The following GRM1 variants were observed in gnomAD, a reference collection of about 807,000 sequenced individuals.
GRM1 encodes metabotropic glutamate receptor 1.
GRM1 carries 33 observed loss-of-function variants against 90.9 expected under a neutral mutation model. That is an observed-to-expected ratio of 0.36 (90% CI 0.28 to 0.49). The LOEUF is 0.49. GRM1 is among the 20% of genes least tolerant of loss of function. GRM1 has a pLI of 0.99. For missense variants in GRM1, 1,190 were observed against 1,534.3 expected, an observed-to-expected ratio of 0.78 and a Z score of 3.75; for synonymous variants, 700 against 613.2, an observed-to-expected ratio of 1.14 and a Z score of -2.09.
At chr6:146,285,585 A>T (rs1055244369) in intron 2 of GRM1, among the ~76,000 whole-genome samples, 1 of 152,196 alleles carries the variant, frequency 6.6e-6, no homozygotes, top group Non-Finnish European at 1.5e-5. Flanking sequence ...GCTCAGGAAG[A>T]ACTATAATCT....
chr6:146,340,058 T>C (rs1784914783), intron 3 of GRM1, among the ~76,000 whole-genome samples: 1 of 152,226 alleles, frequency 6.6e-6, no homozygotes, highest in Admixed American at 6.5e-5. Context: ...TCAGCAGTCG[T>C]TGAGGCATAA....
intron 3 of GRM1, among the ~76,000 whole-genome samples, chr6:146,349,363 G>T (rs183367853): frequency 1.4e-4 from 21 of 151,702 alleles, no homozygotes; most frequent in Admixed American, 1.4e-3. Context: ...TTACAGGCGT[G>T]AGCCACCACG....
intron 3 of GRM1, among the ~76,000 whole-genome samples, chr6:146,310,068 T>C (rs932037756): frequency 1.3e-5 from 2 of 152,188 alleles, no homozygotes; most frequent in Non-Finnish European, 2.9e-5. Context: ...CATTTGGCTA[T>C]TTTAGAAGAC....
intron 1 of GRM1, among the ~76,000 whole-genome samples, chr6:146,040,375 A>G (rs1326516673): frequency 1.3e-5 from 2 of 151,946 alleles, no homozygotes; most frequent in Non-Finnish European, 2.9e-5. Context: ...ATGCCTTCGG[A>G]TGATGTTCTT....
At chr6:146,082,708 T>A (rs1776405121) in intron 1 of GRM1, among the ~76,000 whole-genome samples, 1 of 152,192 alleles carries the variant, frequency 6.6e-6, no homozygotes, top group Non-Finnish European at 1.5e-5. Flanking sequence ...CAGCTAGAAC[T>A]GGCACTCATA....
intron 2 of GRM1, among the ~76,000 whole-genome samples, chr6:146,264,983 G>A (rs1422181522): frequency 6.6e-6 from 1 of 152,104 alleles, no homozygotes; most frequent in Non-Finnish European, 1.5e-5. Flanking sequence ...TGTGAACAGT[G>A]CTCTGATAAA....
chr6:146,347,996 G>T (rs1253649606), intron 3 of GRM1, among the ~76,000 whole-genome samples: 2 of 152,152 alleles, frequency 1.3e-5, no homozygotes, highest in East Asian at 3.8e-4. Context: ...AAGCAGTTAG[G>T]CAGGTATTCT....
In GRM1 at chr6:146,094,241, A is replaced by G. The variant is rs916811766; in HGVS notation, c.700+64024A>G. ...GCAAAGTATGAGAATGTAGCACAAA[A>G]TTGTTGAGAAAGTGTGAGTGCTTGG... On this transcript the variant is annotated intron_variant, in intron 1 of 7. Transcript: ENST00000282753. Among the ~76,000 whole-genome samples, 5 of 152,104 alleles carry G rather than the reference A, an allele frequency of 3.3e-5. No individual in the cohort carries two copies. In the East Asian group the frequency reaches 7.7e-4, roughly 24 times the overall value.
chr6:146,386,824 C>G, intron 5 of GRM1, 66 bp from the exon 6 acceptor site: 6 of 1,251,236 alleles, frequency 4.8e-6, no homozygotes, highest in Non-Finnish European at 5.9e-6. Context: ...AAAACAAATC[C>G]TCATCTGAAA....
intron 1 of GRM1, among the ~76,000 whole-genome samples, chr6:146,105,024 A>AT (rs555706694): frequency 1.6e-3 from 249 of 152,238 alleles, no homozygotes; most frequent in African/African-American, 5.4e-3. Flanking sequence ...GACCTGAGTG[A>AT]TTTTTTATGG....
chr6:146,398,165 A>G (rs1777034620), intron 6 of GRM1, among the ~76,000 whole-genome samples: 1 of 152,196 alleles, frequency 6.6e-6, no homozygotes, highest in Admixed American at 6.5e-5. Flanking sequence ...AAAGGCCCTC[A>G]GGTTTCAGAT....
rs144565809 is a variant in GRM1 at position 146,352,219 on chromosome 6, C to A, written c.1187-31C>A. On this transcript the variant is annotated intron_variant, in intron 3 of 7. Coordinates refer to ENST00000282753, the MANE Select transcript of GRM1 (RefSeq NM_001278064.2). ...GGGAGCCTAGTCTTTATCATTGTGA[C>A]CTTGGTAGTGATCTATTTTTATTGT... 4.5e-4 allele frequency: 721 copies of A among 1,609,882 alleles called. No individual in the cohort carries two copies. The African/African-American group carries it at 8.7e-3, about 19-fold the overall frequency.
At chr6:146,309,400 A>T (rs902694878) in intron 3 of GRM1, among the ~76,000 whole-genome samples, 1 of 146,766 alleles carries the variant, frequency 6.8e-6, no homozygotes, top group Admixed American at 7.5e-5. Flanking sequence ...CTCTGTCTCA[A>T]AAAAAAAAAA....
chr6:146,181,896 TTAA>T lies in GRM1; in HGVS notation c.950+22303_950+22305del, dbSNP rs1380252366. 3.3e-5 allele frequency among the ~76,000 whole-genome samples: 5 copies of T among 152,230 alleles called. No individual in the cohort carries two copies. In the South Asian group the frequency reaches 1.0e-3, roughly 32 times the overall value. On this transcript the variant is annotated intron_variant, in intron 2 of 7. Transcript: ENST00000282753. ...TATAAGCAGGATGAAAGCAATATAG[TTAA>T]TAAGAGCATACAAAAGATTATTCTT...
intron 3 of GRM1, among the ~76,000 whole-genome samples, chr6:146,338,627 A>G (rs771542751): frequency 3.3e-5 from 5 of 152,208 alleles, no homozygotes; most frequent in African/African-American, 7.2e-5. Context: ...CTAAACGTCT[A>G]TAGGAGCTCC....
intron 2 of GRM1, among the ~76,000 whole-genome samples, chr6:146,186,199 A>T (rs368310482): frequency 6.7e-6 from 1 of 150,366 alleles, no homozygotes; most frequent in East Asian, 2.0e-4. Context: ...GCTGGTCTCG[A>T]ACTCCTGACC....
intron 3 of GRM1, among the ~76,000 whole-genome samples, chr6:146,309,706 T>C (rs3025903): frequency 1.4e-5 from 2 of 147,802 alleles, no homozygotes; most frequent in African/African-American, 4.9e-5. Flanking sequence ...CCTTCTTACA[T>C]AAAAAAAAAA....
intron 1 of GRM1, among the ~76,000 whole-genome samples, chr6:146,149,168 G>A (rs1413690136): frequency 6.6e-6 from 1 of 152,136 alleles, no homozygotes; most frequent in Non-Finnish European, 1.5e-5. Flanking sequence ...ACTTAAAGAA[G>A]ACTCAATGAC....
At chr6:146,179,246 C>T (rs1435883310) in intron 2 of GRM1, among the ~76,000 whole-genome samples, 1 of 152,160 alleles carries the variant, frequency 6.6e-6, no homozygotes, top group African/African-American at 2.4e-5. Context: ...TTTCAGATCC[C>T]ACTACCTAAA....
Sources: gnomAD v4.1 joint callset for allele counts (sites outside exome capture counted in the v4.1 genomes callset) on GRCh38, gnomAD v4.1.1 for gene constraint, MANE v1.5 for transcripts, NCBI Gene and HGNC (gene_info 2026-07-23, HGNC 2026-07-21) for gene names.